GPR39: variants seen among roughly 807,000 people sequenced by gnomAD.
GPR39 encodes G protein-coupled receptor 39.
Under a neutral mutation model 18.4 loss-of-function variants are expected in GPR39, and 23 were observed. That is an observed-to-expected ratio of 1.25 (90% CI 0.90 to 1.77). The LOEUF is 1.77. Ranked by LOEUF, GPR39 falls within the 40% of genes most tolerant of loss-of-function variation. The probability of loss-of-function intolerance (pLI) is 0.00; values close to 1 mark genes in which losing one functional copy is unlikely to be tolerated. For missense variants in GPR39, 647 were observed against 602.4 expected, an observed-to-expected ratio of 1.07 and a Z score of -0.78; for synonymous variants, 280 against 257.9, an observed-to-expected ratio of 1.09 and a Z score of -0.82.
At chr2:132,535,886 G>A (rs757180756) in intron 1 of GPR39, among the ~76,000 whole-genome samples, 7 of 151,296 alleles carry the variant, frequency 4.6e-5, no homozygotes, top group African/African-American at 1.7e-4. Flanking sequence ...CTGGTAGTTT[G>A]TATTTCTGTG....
At chr2:132,530,022 A>G (rs1288998590) in intron 1 of GPR39, among the ~76,000 whole-genome samples, 4 of 152,206 alleles carry the variant, frequency 2.6e-5, no homozygotes, top group Non-Finnish European at 1.5e-5. Context: ...TGACGAGTTG[A>G]GAGAAGAAGC....
At chr2:132,637,622 C>T (rs906269103) in intron 1 of GPR39, among the ~76,000 whole-genome samples, 25 of 152,220 alleles carry the variant, frequency 1.6e-4, no homozygotes, top group African/African-American at 5.1e-4. Flanking sequence ...TCTGCATAAA[C>T]GAAGACCTCC....
chr2:132,503,756 A>G (rs1474230948), intron 1 of GPR39, among the ~76,000 whole-genome samples: 1 of 152,196 alleles, frequency 6.6e-6, no homozygotes, highest in African/African-American at 2.4e-5. Flanking sequence ...AGCCCCTCCC[A>G]GGGCAGGGCT....
chr2:132,475,977 G>C (rs2104786232), intron 1 of GPR39, among the ~76,000 whole-genome samples: 1 of 152,254 alleles, frequency 6.6e-6, no homozygotes, highest in South Asian at 2.1e-4. Flanking sequence ...ATCAACTGCA[G>C]GTGAAAGCTT....
At chr2:132,495,836 C>T (rs1325481175) in intron 1 of GPR39, among the ~76,000 whole-genome samples, 2 of 152,050 alleles carry the variant, frequency 1.3e-5, no homozygotes, top group Non-Finnish European at 2.9e-5. Flanking sequence ...TCACCCCTCC[C>T]CTTTTATCAT....
intron 1 of GPR39, among the ~76,000 whole-genome samples, chr2:132,549,101 C>T (rs960342741): frequency 1.3e-5 from 2 of 152,176 alleles, no homozygotes; most frequent in African/African-American, 4.8e-5. Flanking sequence ...AACATACCTT[C>T]ATATCCTAGG....
At chr2:132,561,108 A>G (rs1433628555) in intron 1 of GPR39, among the ~76,000 whole-genome samples, 2 of 151,506 alleles carry the variant, frequency 1.3e-5, no homozygotes, top group African/African-American at 4.8e-5. Context: ...TCAGTAGAGA[A>G]GGGGTTTCAC....
chr2:132,626,166 C>G (rs1681542146), intron 1 of GPR39, among the ~76,000 whole-genome samples: 1 of 152,032 alleles, frequency 6.6e-6, no homozygotes, highest in Admixed American at 6.5e-5. Flanking sequence ...CAAGGTGACA[C>G]TGCTGGTTAG....
chr2:132,453,934 C>A (rs1334392456), intron 1 of GPR39, among the ~76,000 whole-genome samples: 1 of 152,028 alleles, frequency 6.6e-6, no homozygotes, highest in East Asian at 1.9e-4. Flanking sequence ...AGCTTTGTTC[C>A]TTTGGCTTAG....
intron 1 of GPR39, among the ~76,000 whole-genome samples, chr2:132,612,697 T>G (rs1681257260): frequency 6.6e-6 from 1 of 152,248 alleles, no homozygotes; most frequent in South Asian, 2.1e-4. Flanking sequence ...AGTTTATTTT[T>G]GTGCTAATAT....
intron 1 of GPR39, among the ~76,000 whole-genome samples, chr2:132,444,614 T>TA (rs1464117296): frequency 2.6e-5 from 4 of 152,212 alleles, no homozygotes; most frequent in African/African-American, 7.2e-5. Context: ...CACTGTGATT[T>TA]AATTAGGCTT....
intron 1 of GPR39, among the ~76,000 whole-genome samples, chr2:132,433,513 A>G (rs550587359): frequency 3.9e-5 from 6 of 152,110 alleles, no homozygotes; most frequent in African/African-American, 1.2e-4. Flanking sequence ...CTTGACTAAC[A>G]TCATGGGACT....
rs1367853510 is a variant in GPR39, at chr2:132,492,693, T to TATATATATAATATATATACACACC, written c.856+74805_856+74828dup. On this transcript the variant is annotated intron_variant, in intron 1 of 1. Coordinates refer to ENST00000329321, the MANE Select transcript of GPR39 (RefSeq NM_001508.3). ...ATATATATAATATATATACACACCA[T>TATATATATAATATATATACACACC]ATATATATAATATATATACACACCA... Among the ~76,000 whole-genome samples, 153 of 125,656 alleles carry TATATATATAATATATATACACACC rather than the reference T, an allele frequency of 1.2e-3. 3 individuals are homozygous for TATATATATAATATATATACACACC. Among genetic ancestry groups the TATATATATAATATATATACACACC allele is most frequent in the African/African-American group, 2.0e-3 (47 of 23,252 alleles). 82.4% of individuals were successfully genotyped at this position (125,656 alleles called of 152,430 possible).
chr2:132,552,650 T>C (rs765295014), intron 1 of GPR39, among the ~76,000 whole-genome samples: 7 of 151,982 alleles, frequency 4.6e-5, no homozygotes, highest in Non-Finnish European at 8.8e-5. Flanking sequence ...GCAAATGCTA[T>C]ACCATTTTAT....
chr2:132,512,467 G>A (rs1187931515), intron 1 of GPR39, among the ~76,000 whole-genome samples: 6 of 152,158 alleles, frequency 3.9e-5, no homozygotes, highest in African/African-American at 1.2e-4. Context: ...TGTTCTGGGT[G>A]TGCTTGGTGG....
intron 1 of GPR39, among the ~76,000 whole-genome samples, chr2:132,635,553 G>A (rs1416591262): frequency 3.9e-5 from 6 of 152,128 alleles, no homozygotes; most frequent in Non-Finnish European, 7.4e-5. Context: ...GAAGAGAGAA[G>A]GAGGAAAAGC....
chr2:132,590,636 G>A (rs1680809800), intron 1 of GPR39, among the ~76,000 whole-genome samples: 1 of 152,108 alleles, frequency 6.6e-6, no homozygotes, highest in South Asian at 2.1e-4. Context: ...TGTAAAAAGA[G>A]TCACTTGCTT....
chr2:132,423,692 C>G (rs1277492565), intron 1 of GPR39, among the ~76,000 whole-genome samples: 1 of 152,162 alleles, frequency 6.6e-6, no homozygotes, highest in Admixed American at 6.5e-5. Context: ...CTGGCCCATC[C>G]TCCCTGACTT....
intron 1 of GPR39, among the ~76,000 whole-genome samples, chr2:132,643,030 A>T (rs1340331325): frequency 6.6e-6 from 1 of 152,220 alleles, no homozygotes; most frequent in African/African-American, 2.4e-5. Context: ...GGAATAGCAC[A>T]AGTGGCTGGG....
Sources: gnomAD v4.1 joint callset for allele counts (sites outside exome capture counted in the v4.1 genomes callset) on GRCh38, gnomAD v4.1.1 for gene constraint, MANE v1.5 for transcripts, NCBI Gene and HGNC (gene_info 2026-07-23, HGNC 2026-07-21) for gene names.